ZNF175: variants seen among roughly 807,000 people sequenced by gnomAD.
ZNF175 encodes zinc finger protein 175.
ZNF175 carries 8 observed loss-of-function variants against 14.0 expected under a neutral mutation model. The ratio of observed to expected loss-of-function variants is 0.57; its 90% CI spans 0.34 to 1.03. ZNF175 has a LOEUF of 1.03. Ranked by LOEUF, ZNF175 falls within the 50% of genes least tolerant of loss-of-function variation. ZNF175 has a pLI of 0.03. For synonymous variants in ZNF175, 255 were observed against 296.8 expected (o/e 0.86, Z 1.45); for missense variants, 764 against 849.5 (o/e 0.90, Z 1.25).
At chr19:51,575,452 C>T (rs1387965581) in intron 2 of ZNF175, among the ~76,000 whole-genome samples, 1 of 152,066 alleles carries the variant, frequency 6.6e-6, no homozygotes, top group Non-Finnish European at 1.5e-5. Flanking sequence ...CTCCTGACCT[C>T]GTGATCCGCC....
At chr19:51,578,464 G>A (rs1173342868) in intron 2 of ZNF175, among the ~76,000 whole-genome samples, 1 of 151,748 alleles carries the variant, frequency 6.6e-6, no homozygotes, top group Non-Finnish European at 1.5e-5. Context: ...CTGACAAAAG[G>A]TTCCTATAAA....
In ZNF175 at chr19:51,581,812, C is replaced by CA. The variant is rs761122681; in HGVS notation, c.226dup (p.Ile76AsnfsTer16). ...GGTATCACATTCCCAACCCAGAGGT[C>CA]ATCTTCAGAATGCTAAAAGAAAAGG... is the stretch of plus-strand genomic sequence containing the variant. On this transcript the variant is annotated frameshift_variant, in exon 4 of 5. Transcript: ENST00000262259. LOFTEE classifies it high-confidence loss of function. 1 of 1,613,962 alleles carries CA rather than the reference C, an allele frequency of 6.2e-7. No homozygotes were observed. The highest frequency in any genetic ancestry group is 1.3e-5 in the African/African-American group (1 of 75,040).
chr19:51,587,109 G>A lies in ZNF175; in HGVS notation c.778G>A (p.Val260Ile). The change falls in exon 5 of 5, where the codon GTC becomes ATC. Residue 260 changes from valine to isoleucine, a missense_variant. Transcript: ENST00000262259. Reference sequence around the variant, plus strand: ...TTGCAAAGGTAACCAGTGTAGAAAAGTCTGTGGCCATAAACAGTCACTCAA... The same window carrying A: ...TTGCAAAGGTAACCAGTGTAGAAAAATCTGTGGCCATAAACAGTCACTCAA... ...TFCKGNQCRK[V>I]CGHKQSLKQH... The A allele has an allele frequency of 6.2e-7, 1 of 1,614,184 alleles. No individual in the cohort carries two copies. Among genetic ancestry groups the A allele is most frequent in the Non-Finnish European group, 8.5e-7 (1 of 1,180,026 alleles).
In ZNF175 at chr19:51,573,323, A is replaced by C. The variant is rs368761332; in HGVS notation, c.-7A>C. The C allele has an allele frequency of 5.0e-6, 8 of 1,613,006 alleles. No individual in the cohort carries two copies. Among genetic ancestry groups the C allele is most frequent in the Non-Finnish European group, 6.8e-6 (8 of 1,179,608 alleles). Reference sequence around the variant, plus strand: ...AGAGAGACCGAGAGTAGAAGCCCAGAGTGGAGATGCCTGCTGATGTGAATT... The same window carrying C: ...AGAGAGACCGAGAGTAGAAGCCCAGCGTGGAGATGCCTGCTGATGTGAATT... On this transcript the variant is annotated 5_prime_UTR_variant, in exon 2 of 5. Transcript: ENST00000262259.
At chr19:51,576,587 G>C (rs1981796169) in intron 2 of ZNF175, among the ~76,000 whole-genome samples, 1 of 152,198 alleles carries the variant, frequency 6.6e-6, no homozygotes, top group African/African-American at 2.4e-5. Flanking sequence ...GCCTGGGATT[G>C]AAGGCAGGCA....
intron 2 of ZNF175, 142 bp from the exon 3 acceptor site, chr19:51,581,248 TA>T: frequency 2.7e-6 from 3 of 1,116,142 alleles, no homozygotes; most frequent in Non-Finnish European, 2.6e-6. Flanking sequence ...TTTAAATCCC[TA>T]AAAATGTGAA....
In ZNF175 at chr19:51,581,316, T is replaced by C; in HGVS notation, c.73-75T>C. ...ATCGTGGTGAAAATCATTAAAAGCATGTTCCTCCTATATGTGCCATCCCCA... is the reference window on the plus strand; with the variant it reads ...ATCGTGGTGAAAATCATTAAAAGCACGTTCCTCCTATATGTGCCATCCCCA... On this transcript the variant is annotated intron_variant, in intron 2 of 4. Coordinates refer to ENST00000262259, the MANE Select transcript of ZNF175 (RefSeq NM_007147.4). The C allele has an allele frequency of 4.4e-6, 7 of 1,608,024 alleles. No homozygotes were observed. In the South Asian group the frequency reaches 4.4e-5, roughly 10 times the overall value.
At chr19:51,575,208 GGTTTTTTTTTT>G (rs1981732548) in intron 2 of ZNF175, among the ~76,000 whole-genome samples, 2 of 99,202 alleles carry the variant, frequency 2.0e-5, no homozygotes, top group Admixed American at 2.3e-4. Context: ...TTTTTAGAGA[GGTTTTTTTTTT>G]TTTTTTTTTT....
At chr19:51,581,173 G>GAA (rs201146178) in intron 2 of ZNF175, among the ~76,000 whole-genome samples, 8 of 143,562 alleles carry the variant, frequency 5.6e-5, no homozygotes, top group East Asian at 2.0e-4. Context: ...CCTCATTTTT[G>GAA]AAAAAAAAAA....
rs757725726 is a variant in ZNF175 at position 51,587,026 on chromosome 19, T to C, written c.695T>C (p.Leu232Pro). 1 of 1,614,230 alleles carries C rather than the reference T, an allele frequency of 6.2e-7. No homozygotes were observed. The highest frequency in any genetic ancestry group is 2.2e-5 in the East Asian group (1 of 44,894). The change falls in exon 5 of 5, where the codon CTA becomes CCA. Residue 232 changes from leucine to proline, a missense_variant. Coordinates refer to ENST00000262259, the MANE Select transcript of ZNF175 (RefSeq NM_007147.4). ...QLDDVVGSGQ[L>P]FSHSSSDACS... is the part of the protein sequence containing the mutation. Reference sequence around the variant, plus strand: ...GATGACGTTGTTGGGTCTGGTCAGCTATTCAGCCATAGCTCTTCTGATGCC... The same window carrying C: ...GATGACGTTGTTGGGTCTGGTCAGCCATTCAGCCATAGCTCTTCTGATGCC...
At position 51,587,949 on chromosome 19, in the gene ZNF175, T is replaced by G; in HGVS notation, c.1618T>G (p.Phe540Val). ...HHVCSECGKAFNQKSILSMHQ... is the reference protein window; with the variant it reads ...HHVCSECGKAVNQKSILSMHQ... The stretch of plus-strand genomic sequence containing the variant: ...TGTATGCAGTGAATGCGGGAAAGCC[T>G]TCAACCAGAAGTCAATACTCAGCAT... The change falls in exon 5 of 5, where the codon TTC (phenylalanine) becomes GTC (valine). Residue 540 changes from phenylalanine to valine, a missense_variant. Transcript: ENST00000262259. 6.2e-7 allele frequency: 1 copy of G among 1,614,198 alleles called. No individual in the cohort carries two copies. The highest frequency in any genetic ancestry group is 1.7e-5 in the Admixed American group (1 of 60,030).
intron 2 of ZNF175, among the ~76,000 whole-genome samples, chr19:51,580,095 T>C (rs2122567360): frequency 6.6e-6 from 1 of 152,302 alleles, no homozygotes; most frequent in African/African-American, 2.4e-5. Context: ...ATTTTATCTG[T>C]CTTTTAAACA....
At position 51,588,464 on chromosome 19, in the gene ZNF175, A is replaced by G. The variant is rs1404809407; in HGVS notation, c.2133A>G (p.Gln711=). The G allele has an allele frequency of 1.9e-6, 3 of 1,540,450 alleles. No individual in the cohort carries two copies. The highest frequency in any genetic ancestry group is 2.6e-6 in the Non-Finnish European group (3 of 1,150,138). The change falls in exon 5 of 5, where the codon CAA becomes CAG. Residue 711 remains glutamine (Q), a synonymous_variant. Transcript: ENST00000262259. The part of the protein sequence containing the change: ...CSYSVKGFTK[Q] ...ATTCTGTGAAAGGCTTTACCAAGCA[A>G]TGAATTCCTAGTGCATCAGCATATT...
chr19:51,584,956 A>G (rs1045820487), intron 4 of ZNF175, among the ~76,000 whole-genome samples: 2 of 152,222 alleles, frequency 1.3e-5, no homozygotes, highest in Non-Finnish European at 2.9e-5. Flanking sequence ...AAATTACCAT[A>G]TGATCCAGCA....
intron 2 of ZNF175, among the ~76,000 whole-genome samples, chr19:51,577,057 AAAC>A (rs1248302033): frequency 6.6e-6 from 1 of 152,178 alleles, no homozygotes; most frequent in Non-Finnish European, 1.5e-5. Flanking sequence ...ACAAAAACGA[AAAC>A]AAAAGACCTG....
rs2122578653 is a variant in ZNF175 at position 51,587,736 on chromosome 19, C to T, written c.1405C>T (p.His469Tyr). Residue 469 changes from histidine to tyrosine, a missense_variant, in exon 5 of 5, where the codon CAC (histidine) becomes TAC (tyrosine). Coordinates refer to ENST00000262259, the MANE Select transcript of ZNF175 (RefSeq NM_007147.4). ...ACACCTGATTGTCCATCAAAGAAGC[C>T]ACACAGGAGAAAAACCTTATCAGTG... ...KAHLIVHQRS[H>Y]TGEKPYQCHN... The T allele has an allele frequency of 6.2e-7, 1 of 1,614,168 alleles. No individual in the cohort carries two copies. The highest frequency in any genetic ancestry group is 8.5e-7 in the Non-Finnish European group (1 of 1,180,038).
At chr19:51,584,906 T>A (rs1982118180) in intron 4 of ZNF175, among the ~76,000 whole-genome samples, 1 of 152,200 alleles carries the variant, frequency 6.6e-6, no homozygotes, top group Non-Finnish European at 1.5e-5. Flanking sequence ...GGTGTAGTCC[T>A]ATGGAAAACA....
At chr19:51,573,109 G>A in intron 1 of ZNF175, 41 bp from the exon 2 acceptor site, 4 of 528,084 alleles carry the variant, frequency 7.6e-6, no homozygotes, top group Non-Finnish European at 1.3e-5. Flanking sequence ...TTTGTGGAGT[G>A]AATGTTGAAT....
At chr19:51,577,657 C>G (rs2122562825) in intron 2 of ZNF175, among the ~76,000 whole-genome samples, 1 of 138,874 alleles carries the variant, frequency 7.2e-6, no homozygotes, top group South Asian at 2.4e-4. Flanking sequence ...ATACTCCTTT[C>G]TCTCTCTTTT....
Sources: gnomAD v4.1 joint callset for allele counts (sites outside exome capture counted in the v4.1 genomes callset) on GRCh38, gnomAD v4.1.1 for gene constraint, MANE v1.5 for transcripts, NCBI Gene and HGNC (gene_info 2026-07-23, HGNC 2026-07-21) for gene names.